Variants in PLK3 observed in about 807,000 individuals in gnomAD.
PLK3 encodes the protein polo like kinase 3.
A neutral mutation model predicts 71.6 loss-of-function variants in PLK3; 41 were observed. The observed-to-expected ratio is 0.57, with a 90% CI of 0.45 to 0.74. The LOEUF (loss-of-function observed/expected upper bound fraction) is 0.74, where lower values mean the gene tolerates loss of function less well. PLK3 is among the 30% of genes least tolerant of loss of function. The pLI is 0.00. For synonymous variants in PLK3, 366 were observed against 355.4 expected, an observed-to-expected ratio of 1.03 and a Z score of -0.33; for missense variants, 791 against 875.6, an observed-to-expected ratio of 0.90 and a Z score of 1.22.
rs922691467 is a variant in PLK3 at position 44,804,449 on chromosome 1, G to A, written c.1453G>A (p.Val485Met). ...TGGGTATCAACTGTCCAGCCGCCGTGTGGCTGTGCTCTTCAACGATGGCAC... is the reference window on the plus strand; with the variant it reads ...TGGGTATCAACTGTCCAGCCGCCGTATGGCTGTGCTCTTCAACGATGGCAC... ...GFGYQLSSRR[V>M]AVLFNDGTHM... is the part of the protein sequence containing the mutation. Residue 485 changes from valine (V) to methionine (M), a missense_variant, in exon 12 of 15, where the codon GTG (valine) becomes ATG (methionine). By Grantham distance (21) the Val-to-Met change is conservative (BLOSUM62 1). Coordinates refer to ENST00000372201, the MANE Select transcript of PLK3 (RefSeq NM_004073.4). 3 of 1,614,200 alleles carry A rather than the reference G, an allele frequency of 1.9e-6. No individual in the cohort carries two copies. The highest frequency in any genetic ancestry group is 2.5e-6 in the Non-Finnish European group (3 of 1,180,016).
At chr1:44,804,947 T>C in intron 13 of PLK3, 168 bp downstream of exon 13, 3 of 653,614 alleles carry the variant, frequency 4.6e-6, no homozygotes, top group Non-Finnish European at 7.7e-6. Flanking sequence ...CTACTAAAAA[T>C]ACAACAAATT....
chr1:44,802,405 G>A (rs1332708738), intron 5 of PLK3, among the ~76,000 whole-genome samples: 1 of 152,112 alleles, frequency 6.6e-6, no homozygotes, highest in Admixed American at 6.5e-5. Flanking sequence ...GACAGCTGGT[G>A]TTGGTGTGTG....
At position 44,805,759 on chromosome 1, in the gene PLK3, C is replaced by G. The variant is rs1652015511; in HGVS notation, c.*81C>G. 2 of 1,452,524 alleles carry G rather than the reference C, an allele frequency of 1.4e-6. No homozygotes were observed. The highest frequency in any genetic ancestry group is 2.8e-5 in the African/African-American group (2 of 70,884). The allele number at this position is 1,452,524 out of a possible 1,614,324, so 90.0% of individuals were successfully genotyped here. ...GTGGCCTTCCCCCTTCCTTTGGTGC[C>G]TCACTGGGGGCTTTGGGCCGAATCC... On this transcript the variant is annotated 3_prime_UTR_variant, in exon 15 of 15. Transcript: ENST00000372201.
At position 44,801,084 on chromosome 1, in the gene PLK3, G is replaced by T; in HGVS notation, c.367G>T (p.Val123Leu). 6.2e-7 allele frequency: 1 copy of T among 1,613,594 alleles called. No homozygotes were observed. The highest frequency in any genetic ancestry group is 8.5e-7 in the Non-Finnish European group (1 of 1,179,906). ...CCGAGACCTGCAGCACCGCCACATCGTGCGTTTTTCGCACCACTTTGAGGA... is the reference window on the plus strand; with the variant it reads ...CCGAGACCTGCAGCACCGCCACATCTTGCGTTTTTCGCACCACTTTGAGGA... ...LHRDLQHRHI[V>L]RFSHHFEDAD... The change falls in exon 3 of 15, where the codon GTG (valine) becomes TTG (leucine). Residue 123 changes from valine (V) to leucine (L), a missense_variant. Transcript: ENST00000372201.
chr1:44,803,314 C>T lies in PLK3; in HGVS notation c.995C>T (p.Pro332Leu), dbSNP rs1651901171. Residue 332 changes from proline (P) to leucine (L), a missense_variant, in exon 8 of 15, where the codon CCA (proline) becomes CTA (leucine). Transcript: ENST00000372201. The surrounding 1 kb of genome is among the most constrained non-coding windows in gnomAD (Gnocchi z 4.3). ...CCTATCAGCAGCTGCGTGACAGTCC[C>T]AGACCTGACACCCCCCAACCCAGCT... is the stretch of plus-strand genomic sequence containing the variant. ...RLPISSCVTVPDLTPPNPARS... is the reference protein window; with the variant it reads ...RLPISSCVTVLDLTPPNPARS... 3 of 1,614,126 alleles carry T rather than the reference C, an allele frequency of 1.9e-6. No homozygotes were observed. Among genetic ancestry groups the T allele is most frequent in the Middle Eastern group, 1.7e-4 (1 of 6,060 alleles).
Position 44,804,786 on chromosome 1 carries a change from GGGCTGGGGCTGT to G in PLK3, c.1635+10_1635+21del. 6.2e-7 allele frequency: 1 copy of G among 1,613,462 alleles called. No individual in the cohort carries two copies. The highest frequency in any genetic ancestry group is 2.2e-5 in the East Asian group (1 of 44,874). ...GGAGCAGCACCTCATGAAGGTGTGA[GGGCTGGGGCTGT>G]GGTACATTGAAACCTAACCCATCCT... On this transcript the variant is annotated splice_region_variant and intron_variant, in intron 13 of 14. Transcript: ENST00000372201.
chr1:44,804,608 A>G (rs1315558471), intron 12 of PLK3, 42 bp from the exon 13 acceptor site: 17 of 1,606,376 alleles, frequency 1.1e-5, no homozygotes, highest in Non-Finnish European at 1.4e-5. Flanking sequence ...GAGGAGGGGC[A>G]TTGGTGCAGG....
chr1:44,804,391 C>T lies in PLK3; in HGVS notation c.1395C>T (p.Ser465=). 6.2e-7 allele frequency: 1 copy of T among 1,614,166 alleles called. No homozygotes were observed. Among genetic ancestry groups the T allele is most frequent in the Non-Finnish European group, 8.5e-7 (1 of 1,180,000 alleles). The change falls in exon 12 of 15, where the codon AGC becomes AGT. Residue 465 remains serine, a synonymous_variant. Coordinates refer to ENST00000372201, the MANE Select transcript of PLK3 (RefSeq NM_004073.4). The part of the protein sequence containing the change: ...LAQPEPLVWV[S]KWVDYSNKFG... ...AGCCAGAGCCTCTGGTGTGGGTCAG[C>T]AAGTGGGTTGACTACTCCAATAAGT...
Position 44,803,696 on chromosome 1 carries a change from G to A in PLK3, c.1164+5G>A, listed in dbSNP as rs1240220617. On this transcript the variant is annotated splice_donor_5th_base_variant and intron_variant, in intron 9 of 14. Coordinates refer to ENST00000372201, the MANE Select transcript of PLK3 (RefSeq NM_004073.4). This position sits in a 1 kb window ranked among gnomAD's most constrained non-coding sequence, Gnocchi z 4.3. ...CATCAGGATGCCAGGCCAGAGGTGA[G>A]GCGCTCAGGTGGACACTGTTCCCCT... 9 of 1,605,986 alleles carry A rather than the reference G, an allele frequency of 5.6e-6. No homozygotes were observed. Among genetic ancestry groups the A allele is most frequent in the East Asian group, 2.2e-5 (1 of 44,620 alleles).
chr1:44,804,329 C>G lies in PLK3; in HGVS notation c.1343-10C>G, dbSNP rs772177625. ...GGAGCAGGTGCTGACTCCCTCCTCT[C>G]CCATGACAGCGGAACAGAACCCGGC... On this transcript the variant is annotated splice_polypyrimidine_tract_variant and intron_variant, in intron 11 of 14. Transcript: ENST00000372201. The G allele has an allele frequency of 1.9e-6, 3 of 1,614,050 alleles. No homozygotes were observed. The highest frequency in any genetic ancestry group is 2.5e-6 in the Non-Finnish European group (3 of 1,179,946).
rs764572904 is a variant in PLK3 at position 44,803,727 on chromosome 1, A to AC, written c.1164+41dup. On this transcript the variant is annotated intron_variant, in intron 9 of 14. Coordinates refer to ENST00000372201, the MANE Select transcript of PLK3 (RefSeq NM_004073.4). This position sits in a 1 kb window ranked among gnomAD's most constrained non-coding sequence, Gnocchi z 4.3. Reference sequence around the variant, plus strand: ...CAGGTGGACACTGTTCCCCTGACTCACCCCCACCCTAGCAGCTGAGGGAAG... The same window carrying AC: ...CAGGTGGACACTGTTCCCCTGACTCACCCCCCACCCTAGCAGCTGAGGGAAG... 3.4e-6 allele frequency: 5 copies of AC among 1,487,786 alleles called. No homozygotes were observed. The highest frequency in any genetic ancestry group is 4.7e-6 in the Non-Finnish European group (5 of 1,073,188). The allele number at this position is 1,487,786 out of a possible 1,614,324, so 92.2% of individuals were successfully genotyped here. A position where few individuals can be genotyped will look rare whatever the true frequency, so the allele number is the denominator to read the frequency against.
In PLK3 at chr1:44,800,460, C is replaced by T; in HGVS notation, c.-4C>T. On this transcript the variant is annotated 5_prime_UTR_variant, in exon 1 of 15. Coordinates refer to ENST00000372201, the MANE Select transcript of PLK3 (RefSeq NM_004073.4). This position sits in a 1 kb window ranked among gnomAD's most constrained non-coding sequence, Gnocchi z 6.5. ...CCGGGACCGCGCTGCGACGCGCCGGCCGCATGGAGCCTGCCGCCGGTTTCC... is the reference window on the plus strand; with the variant it reads ...CCGGGACCGCGCTGCGACGCGCCGGTCGCATGGAGCCTGCCGCCGGTTTCC... The T allele has an allele frequency of 1.5e-6, 2 of 1,364,548 alleles. No individual in the cohort carries two copies. Among genetic ancestry groups the T allele is most frequent in the Non-Finnish European group, 1.9e-6 (2 of 1,065,360 alleles). The allele number at this position is 1,364,548 out of a possible 1,614,324, so 84.5% of individuals were successfully genotyped here.
chr1:44,804,068 C>G (rs770974717), intron 10 of PLK3, 44 bp downstream of exon 10: 1 of 1,545,402 alleles, frequency 6.5e-7, no homozygotes, highest in East Asian at 2.3e-5. Context: ...GTTGCTGGAG[C>G]TGAGATCAGG....
At position 44,801,758 on chromosome 1, in the gene PLK3, C is replaced by T; in HGVS notation, c.565+7C>T. 6.2e-7 allele frequency: 1 copy of T among 1,600,050 alleles called. No individual in the cohort carries two copies. Among genetic ancestry groups the T allele is most frequent in the Non-Finnish European group, 8.5e-7 (1 of 1,171,642 alleles). On this transcript the variant is annotated splice_region_variant and intron_variant, in intron 4 of 14. Coordinates refer to ENST00000372201, the MANE Select transcript of PLK3 (RefSeq NM_004073.4). ...CACCGGGACCTCAAGTTGGGTGAGACTCCTGAGCCTGGAGGATGGGAGGTT... is the reference window on the plus strand; with the variant it reads ...CACCGGGACCTCAAGTTGGGTGAGATTCCTGAGCCTGGAGGATGGGAGGTT...
rs777431016 is a variant in PLK3, at chr1:44,804,642, C to G, written c.1506-8C>G. 1 of 1,612,316 alleles carries G rather than the reference C, an allele frequency of 6.2e-7. No homozygotes were observed. Among genetic ancestry groups the G allele is most frequent in the South Asian group, 1.1e-5 (1 of 90,950 alleles). ...GGGCTCCCTCTGACCTCTGCCTCCC[C>G]ATTCTAGGACTGTGCACTACAATCC... On this transcript the variant is annotated splice_region_variant and splice_polypyrimidine_tract_variant and intron_variant, in intron 12 of 14. Transcript: ENST00000372201.
chr1:44,803,862 C>A lies in PLK3; in HGVS notation c.1165-69C>A. On this transcript the variant is annotated intron_variant, in intron 9 of 14. Coordinates refer to ENST00000372201, the MANE Select transcript of PLK3 (RefSeq NM_004073.4). This position sits in a 1 kb window ranked among gnomAD's most constrained non-coding sequence, Gnocchi z 4.3. ...GGGTGCCCTGGGAGCCAGGGCAGGG[C>A]CAGGCCATGGACTCAAGGGTTTGGA... is the stretch of plus-strand genomic sequence containing the variant. 1 of 1,275,836 alleles carries A rather than the reference C, an allele frequency of 7.8e-7. No homozygotes were observed. Among genetic ancestry groups the A allele is most frequent in the Non-Finnish European group, 1.1e-6 (1 of 900,004 alleles). The allele number at this position is 1,275,836 out of a possible 1,614,324, so 79.0% of individuals were successfully genotyped here.
Position 44,805,477 on chromosome 1 carries a change from C to G in PLK3, c.1750-10C>G, listed in dbSNP as rs181156179. 47 of 1,613,966 alleles carry G rather than the reference C, an allele frequency of 2.9e-5. No individual in the cohort carries two copies. The East Asian group carries it at 8.9e-4, about 31-fold the overall frequency. On this transcript the variant is annotated splice_polypyrimidine_tract_variant and intron_variant, in intron 14 of 14. Transcript: ENST00000372201. ...CCTAGGTCCTGACCACTGTCATGCT[C>G]TGTGTGCAGGTGAACTTCTACGGGG...
Position 44,803,681 on chromosome 1 carries a change from C to T in PLK3, c.1154C>T (p.Ala385Val). 2 of 1,611,442 alleles carry T rather than the reference C, an allele frequency of 1.2e-6. No homozygotes were observed. Among genetic ancestry groups the T allele is most frequent in the Non-Finnish European group, 8.5e-7 (1 of 1,178,236 alleles). The change falls in exon 9 of 15, where the codon GCC (alanine) becomes GTC (valine). Residue 385 changes from alanine (A) to valine (V), a missense_variant. By Grantham distance (64) the Ala-to-Val change is moderately conservative (BLOSUM62 0). Transcript: ENST00000372201. This position sits in a 1 kb window ranked among gnomAD's most constrained non-coding sequence, Gnocchi z 4.3. ...LMRTSVGHQD[A>V]RPEAPAASGP... ...CGCACATCCGTTGGCCATCAGGATG[C>T]CAGGCCAGAGGTGAGGCGCTCAGGT...
Position 44,803,027 on chromosome 1 carries a change from G to C in PLK3, c.822G>C (p.Gln274His). 11 of 1,614,050 alleles carry C rather than the reference G, an allele frequency of 6.8e-6. No individual in the cohort carries two copies. Among genetic ancestry groups the C allele is most frequent in the Non-Finnish European group, 8.5e-6 (10 of 1,179,998 alleles). The change falls in exon 7 of 15, where the codon CAG (glutamine) becomes CAC (histidine). Residue 274 changes from glutamine (Q) to histidine (H), a missense_variant. Coordinates refer to ENST00000372201, the MANE Select transcript of PLK3 (RefSeq NM_004073.4). This position sits in a 1 kb window ranked among gnomAD's most constrained non-coding sequence, Gnocchi z 4.3. ...DLKETYRCIK[Q>H]VHYTLPASLS... ...AGGAGACGTACCGCTGCATCAAGCA[G>C]GTTCACTACACGCTGCCTGCCAGCC...
Sources: allele counts gnomAD v4.1 joint callset (sites outside exome capture counted in the v4.1 genomes callset), GRCh38; gene constraint gnomAD v4.1.1; non-coding constraint Gnocchi (gnomAD v3.1); transcripts MANE v1.5; gene names NCBI Gene and HGNC (gene_info 2026-07-23, HGNC 2026-07-21).